ADARB2: variants seen among roughly 807,000 people sequenced by gnomAD.
ADARB2 encodes inactive double-stranded RNA-specific editase B2.
Under a neutral mutation model 62.2 loss-of-function variants are expected in ADARB2, and 25 were observed. The observed-to-expected ratio is 0.40, with a 90% CI of 0.29 to 0.56. The LOEUF is 0.56. Ranked by LOEUF, ADARB2 falls within the 20% of genes least tolerant of loss-of-function variation. The pLI is 0.43. For missense variants in ADARB2, 1,071 were observed against 1,077.4 expected, an observed-to-expected ratio of 0.99 and a Z score of 0.08; for synonymous variants, 572 against 500.8, an observed-to-expected ratio of 1.14 and a Z score of -1.90.
At chr10:1,244,661 G>A (rs1004308540) in intron 4 of ADARB2, among the ~76,000 whole-genome samples, 14 of 152,286 alleles carry the variant, frequency 9.2e-5, no homozygotes, top group African/African-American at 2.9e-4. Context: ...GGGAGATGAC[G>A]CGGTCAGAAA....
chr10:1,180,588 A>G lies in ADARB2; in HGVS notation c.*2605T>C, dbSNP rs7082665. ...CTGGTGTGGCGTGCCTCCTGCGTGTAGGGTCACCCTTGACTGCCTCGACTA... is the reference window on the plus strand; with the variant it reads ...CTGGTGTGGCGTGCCTCCTGCGTGTGGGGTCACCCTTGACTGCCTCGACTA... On this transcript the variant is annotated 3_prime_UTR_variant, in exon 10 of 10. Coordinates refer to ENST00000381312, the MANE Select transcript of ADARB2 (RefSeq NM_018702.4). 0.98 allele frequency: 149,663 copies of G among 152,604 alleles called. 73,454 individuals are homozygous for G. The highest frequency in any genetic ancestry group is 1 in the Middle Eastern group (296 of 296). 9.5% of individuals were successfully genotyped at this position (152,604 alleles called of 1,614,324 possible). A position where few individuals can be genotyped will look rare whatever the true frequency, so the allele number is the denominator to read the frequency against.
chr10:1,470,061 G>C (rs921705447), intron 1 of ADARB2, among the ~76,000 whole-genome samples: 4 of 97,494 alleles, frequency 4.1e-5, no homozygotes, highest in African/African-American at 8.4e-5. Context: ...CCCGGCCCTG[G>C]AGCGACCTTC....
intron 1 of ADARB2, among the ~76,000 whole-genome samples, chr10:1,402,528 CTG>C (rs984754730): frequency 3.3e-5 from 5 of 152,272 alleles, no homozygotes; most frequent in African/African-American, 7.2e-5. Context: ...TTACATCAAA[CTG>C]TGAATTCTCA....
At chr10:1,529,175 C>A (rs78978603) in intron 1 of ADARB2, among the ~76,000 whole-genome samples, 2,435 of 81,788 alleles carry the variant, frequency 0.03, 91 homozygotes, top group East Asian at 0.2. Context: ...ATCCTCCAAT[C>A]AGTCCACGCA....
At chr10:1,593,214 C>A (rs183774385) in intron 1 of ADARB2, among the ~76,000 whole-genome samples, 8 of 94,100 alleles carry the variant, frequency 8.5e-5, no homozygotes, top group African/African-American at 1.9e-4. Flanking sequence ...TCGCCCAAGC[C>A]ACCCTCCATA....
At chr10:1,672,980 A>C (rs565348845) in intron 1 of ADARB2, among the ~76,000 whole-genome samples, 20 of 152,314 alleles carry the variant, frequency 1.3e-4, no homozygotes, top group Admixed American at 2.0e-4. Flanking sequence ...CACTGCACTT[A>C]GTTTCCAGAG....
At chr10:1,441,476 TGG>T (rs1222569393) in intron 1 of ADARB2, among the ~76,000 whole-genome samples, 1 of 152,232 alleles carries the variant, frequency 6.6e-6, no homozygotes, top group African/African-American at 2.4e-5. Context: ...TTATTTGTTT[TGG>T]AAGACACTCA....
At chr10:1,373,298 T>C (rs538053250) in intron 2 of ADARB2, among the ~76,000 whole-genome samples, 2,801 of 84,290 alleles carry the variant, frequency 0.033, 39 homozygotes, top group Middle Eastern at 0.077. Context: ...TCTCTACCCC[T>C]GTTTCTGTCT....
intron 5 of ADARB2, among the ~76,000 whole-genome samples, chr10:1,241,465 C>T (rs1490017888): frequency 6.6e-6 from 1 of 152,140 alleles, no homozygotes; most frequent in Non-Finnish European, 1.5e-5. Flanking sequence ...AGACAGCAGA[C>T]ACAGGAGGGA....
chr10:1,472,904 A>T (rs923296164), intron 1 of ADARB2, among the ~76,000 whole-genome samples: 2 of 152,060 alleles, frequency 1.3e-5, no homozygotes, highest in Non-Finnish European at 2.9e-5. Flanking sequence ...CTGTCTCTCT[A>T]CGGTAATAGT....
chr10:1,616,950 T>A (rs12778439), intron 1 of ADARB2, among the ~76,000 whole-genome samples: 14 of 146,862 alleles, frequency 9.5e-5, no homozygotes, highest in East Asian at 4.2e-4. Flanking sequence ...CACCCTGCTG[T>A]GCTCTGCATC....
intron 1 of ADARB2, among the ~76,000 whole-genome samples, chr10:1,460,102 G>A (rs1315483227): frequency 4.6e-3 from 222 of 48,454 alleles, no homozygotes; most frequent in Admixed American, 0.018. Flanking sequence ...TGTGACCTGA[G>A]TTTACCTGCG....
chr10:1,271,025 G>A lies in ADARB2; in HGVS notation c.1122C>T (p.Arg374=), dbSNP rs201071907. Residue 374 remains arginine, a synonymous_variant, in exon 4 of 10, where the codon CGC becomes CGT. Coordinates refer to ENST00000381312, the MANE Select transcript of ADARB2 (RefSeq NM_018702.4). ...TGGGCGTGAGGTCCGTCGTCACCTC[G>A]CGGAACTTCTGTGTGACCAGCTGGG... ...SISQLVTQKF[R]EVTTDLTPMH... The A allele has an allele frequency of 8.9e-4, 1,436 of 1,613,928 alleles. 1 individual carries two copies. Among genetic ancestry groups the A allele is most frequent in the Admixed American group, 2.3e-3 (136 of 59,990 alleles).
At chr10:1,347,937 TAGAG>T (rs949890139) in intron 3 of ADARB2, among the ~76,000 whole-genome samples, 11 of 143,660 alleles carry the variant, frequency 7.7e-5, no homozygotes, top group Non-Finnish European at 1.2e-4. Context: ...GAGACAGAGA[TAGAG>T]AGAGATAGGG....
intron 4 of ADARB2, among the ~76,000 whole-genome samples, chr10:1,243,188 G>A (rs906898604): frequency 6.6e-6 from 1 of 152,254 alleles, no homozygotes; most frequent in Admixed American, 6.5e-5. Flanking sequence ...GGCTGGAGGT[G>A]GCAGGAATGT....
chr10:1,392,646 C>T (rs935244490), intron 1 of ADARB2, among the ~76,000 whole-genome samples: 1 of 152,134 alleles, frequency 6.6e-6, no homozygotes, highest in Admixed American at 6.5e-5. Flanking sequence ...TCCAAGCTCC[C>T]GTCCTATGAA....
Position 1,379,142 on chromosome 10 carries a change from G to A in ADARB2, c.119C>T (p.Ser40Leu), listed in dbSNP as rs1832459974. ...GTGCTTGAAAGGAGCGAGGAAGGTT[G>A]ACAATATGCTTACTTTATCTGGAAA... ...SKRKDKVSIL[S>L]TFLAPFKHLS... is the part of the protein sequence containing the mutation. The change falls in exon 2 of 10, where the codon TCA becomes TTA. Residue 40 changes from serine (S) to leucine (L), a missense_variant. Coordinates refer to ENST00000381312, the MANE Select transcript of ADARB2 (RefSeq NM_018702.4). The A allele has an allele frequency of 5.6e-6, 9 of 1,613,252 alleles. No homozygotes were observed. Among genetic ancestry groups the A allele is most frequent in the Non-Finnish European group, 7.6e-6 (9 of 1,179,298 alleles).
Position 1,326,485 on chromosome 10 carries a change from GTCTT to G in ADARB2, c.1077+36539_1077+36542del, listed in dbSNP as rs1317439810. Among the ~76,000 whole-genome samples the G allele has an allele frequency of 4.6e-5, 7 of 152,294 alleles. No homozygotes were observed. In the South Asian group the frequency reaches 6.2e-4, roughly 14 times the overall value. On this transcript the variant is annotated intron_variant, in intron 3 of 9. Coordinates refer to ENST00000381312, the MANE Select transcript of ADARB2 (RefSeq NM_018702.4). ...CTGTGCTAATTCCGTTTCTGTCACTGTCTTTCTATGAACTCTGAAAAGTAACCAT... is the reference window on the plus strand; with the variant it reads ...CTGTGCTAATTCCGTTTCTGTCACTGTCTATGAACTCTGAAAAGTAACCAT...
At chr10:1,243,178 G>A (rs758900986) in intron 4 of ADARB2, among the ~76,000 whole-genome samples, 3 of 152,208 alleles carry the variant, frequency 2.0e-5, no homozygotes, top group Admixed American at 6.5e-5. Flanking sequence ...CAGGCCCTTC[G>A]GCTGGAGGTG....
Sources: allele counts gnomAD v4.1 joint callset (sites outside exome capture counted in the v4.1 genomes callset), GRCh38; gene constraint gnomAD v4.1.1; transcripts MANE v1.5; gene names NCBI Gene and HGNC (gene_info 2026-07-23, HGNC 2026-07-21).